Variants in DPYD observed in about 807,000 individuals in gnomAD.
DPYD encodes dihydropyrimidine dehydrogenase [NADP(+)].
In DPYD, 109 loss-of-function variants were observed where a neutral mutation model predicts 116.2. The ratio of observed to expected loss-of-function variants is 0.94; its 90% CI spans 0.80 to 1.10. The LOEUF (loss-of-function observed/expected upper bound fraction) is 1.10. Ranked by LOEUF, DPYD falls within the 50% of genes least tolerant of loss-of-function variation. The probability of loss-of-function intolerance (pLI) is 0.00; values close to 1 mark genes in which losing one functional copy is unlikely to be tolerated. For synonymous variants in DPYD, 440 were observed against 432.0 expected (o/e 1.02, Z -0.23); for missense variants, 1,302 against 1,254.5 (o/e 1.04, Z -0.57).
intron 2 of DPYD, among the ~76,000 whole-genome samples, chr1:97,857,320 C>T (rs958877559): frequency 2.0e-5 from 3 of 152,170 alleles, no homozygotes; most frequent in African/African-American, 4.8e-5. Flanking sequence ...TCCTTGGAAT[C>T]TCCAAAGTGC....
rs1269772647 is a variant in DPYD at position 97,781,184 on chromosome 1, T to C, written c.234-40705A>G. Among the ~76,000 whole-genome samples the C allele has an allele frequency of 2.6e-5, 4 of 152,214 alleles. No homozygotes were observed. In the South Asian group the frequency reaches 8.3e-4, roughly 31 times the overall value. On this transcript the variant is annotated intron_variant, in intron 3 of 22. Transcript: ENST00000370192. ...TATAGAGTTCTATTTCCATCCACTG[T>C]ATGTGATTACTATAAATGTTTAAAC...
intron 20 of DPYD, among the ~76,000 whole-genome samples, chr1:97,147,743 C>T (rs779016595): frequency 6.6e-6 from 1 of 152,156 alleles, no homozygotes. Flanking sequence ...CGTCCTTAGC[C>T]CATCAGTCCA....
intron 16 of DPYD, among the ~76,000 whole-genome samples, chr1:97,313,115 G>A (rs985298126): frequency 4.0e-5 from 6 of 151,846 alleles, no homozygotes; most frequent in Non-Finnish European, 8.8e-5. Context: ...TGTCACAAAA[G>A]ACAAGACATC....
intron 13 of DPYD, among the ~76,000 whole-genome samples, chr1:97,510,087 C>G (rs141281816): frequency 6.6e-6 from 1 of 151,348 alleles, no homozygotes; most frequent in Non-Finnish European, 1.5e-5. Context: ...CATCATTAGC[C>G]ATTTACAAAA....
chr1:97,080,013 A>G (rs190483751), intron 22 of DPYD, among the ~76,000 whole-genome samples: 1 of 152,200 alleles, frequency 6.6e-6, no homozygotes, highest in African/African-American at 2.4e-5. Flanking sequence ...TTAAAGAGAA[A>G]CATTTCAATG....
intron 12 of DPYD, among the ~76,000 whole-genome samples, chr1:97,548,853 C>T (rs1244626282): frequency 6.6e-6 from 1 of 152,094 alleles, no homozygotes; most frequent in African/African-American, 2.4e-5. Context: ...ACAGACAGGA[C>T]CTTATCTGGT....
At chr1:97,544,855 T>A (rs1570934701) in intron 12 of DPYD, among the ~76,000 whole-genome samples, 1 of 152,262 alleles carries the variant, frequency 6.6e-6, no homozygotes, top group South Asian at 2.1e-4. Flanking sequence ...TTTTACTTTT[T>A]CAAATCTTTT....
intron 21 of DPYD, among the ~76,000 whole-genome samples, chr1:97,086,053 G>T (rs561476062): frequency 6.6e-6 from 1 of 152,090 alleles, no homozygotes; most frequent in South Asian, 2.1e-4. Context: ...TCGTTGTTTT[G>T]TTTTGTTTTG....
chr1:97,682,473 C>A (rs995681368), intron 7 of DPYD, among the ~76,000 whole-genome samples: 6 of 151,762 alleles, frequency 4.0e-5, no homozygotes, highest in African/African-American at 1.2e-4. Context: ...GCCTGAGGCC[C>A]CAAATATTTG....
At chr1:97,758,622 G>C (rs1176962005) in intron 3 of DPYD, among the ~76,000 whole-genome samples, 1 of 152,146 alleles carries the variant, frequency 6.6e-6, no homozygotes, top group African/African-American at 2.4e-5. Context: ...TAAGTGATTA[G>C]GATATAGAAT....
At chr1:97,117,326 G>A (rs775242697) in intron 20 of DPYD, among the ~76,000 whole-genome samples, 3 of 152,182 alleles carry the variant, frequency 2.0e-5, no homozygotes, top group East Asian at 1.9e-4. Flanking sequence ...ATATGTGAAC[G>A]TATGGATGAA....
chr1:97,788,806 A>ATTGTTG (rs966070304), intron 3 of DPYD, among the ~76,000 whole-genome samples: 3 of 151,788 alleles, frequency 2.0e-5, no homozygotes, highest in African/African-American at 4.8e-5. Context: ...TATTTTTCTT[A>ATTGTTG]TTGTTGTTGT....
At chr1:97,570,878 C>T (rs1652843998) in intron 11 of DPYD, among the ~76,000 whole-genome samples, 3 of 151,830 alleles carry the variant, frequency 2.0e-5, no homozygotes, top group Admixed American at 1.3e-4. Flanking sequence ...TAATTTGGCA[C>T]CTGGCATTCA....
At position 97,787,942 on chromosome 1, in the gene DPYD, G is replaced by A. The variant is rs766114912; in HGVS notation, c.233+40172C>T. Among the ~76,000 whole-genome samples, 9 of 152,256 alleles carry A rather than the reference G, an allele frequency of 5.9e-5. No individual in the cohort carries two copies. The East Asian group carries it at 1.2e-3, about 20-fold the overall frequency. On this transcript the variant is annotated intron_variant, in intron 3 of 22. Coordinates refer to ENST00000370192, the MANE Select transcript of DPYD (RefSeq NM_000110.4). Reference sequence around the variant, plus strand: ...AAAGCTTCCTCTAGAAAAATCACACGGTAGTAGAGAGGTAGACAGGTTAAA... The same window carrying A: ...AAAGCTTCCTCTAGAAAAATCACACAGTAGTAGAGAGGTAGACAGGTTAAA...
chr1:97,832,045 TTGTGTGTGTG>T lies in DPYD; in HGVS notation c.151-3859_151-3850del, dbSNP rs35795641. On this transcript the variant is annotated intron_variant, in intron 2 of 22. Coordinates refer to ENST00000370192, the MANE Select transcript of DPYD (RefSeq NM_000110.4). ...CATTATAGCTTTAATATATAATGTATTGTGTGTGTGTGTGTGTGTGTGTGTGTGTGTGTGT... is the reference window on the plus strand; with the variant it reads ...CATTATAGCTTTAATATATAATGTATTGTGTGTGTGTGTGTGTGTGTGTGT... Among the ~76,000 whole-genome samples, 163 of 134,012 alleles carry T rather than the reference TTGTGTGTGTG, an allele frequency of 1.2e-3. 1 individual carries two copies. In the East Asian group the frequency reaches 0.019, roughly 16 times the overall value. The allele number at this position is 134,012 out of a possible 152,430, so 87.9% of individuals were successfully genotyped here.
intron 14 of DPYD, among the ~76,000 whole-genome samples, chr1:97,404,986 A>T (rs1673576535): frequency 1.4e-5 from 2 of 148,128 alleles, no homozygotes; most frequent in African/African-American, 2.5e-5. Flanking sequence ...TGGTTGCCCT[A>T]GAGTTTACAA....
intron 18 of DPYD, among the ~76,000 whole-genome samples, chr1:97,296,613 T>G (rs1029088782): frequency 6.6e-6 from 1 of 152,142 alleles, no homozygotes; most frequent in Non-Finnish European, 1.5e-5. Context: ...AAGTATAAAT[T>G]ATAAATTCTA....
intron 16 of DPYD, among the ~76,000 whole-genome samples, chr1:97,316,387 A>G (rs1667843907): frequency 6.6e-6 from 1 of 151,124 alleles, no homozygotes. Flanking sequence ...GGTAACACAT[A>G]CCTGTAATCC....
intron 14 of DPYD, among the ~76,000 whole-genome samples, chr1:97,442,764 G>C (rs1675870414): frequency 6.6e-6 from 1 of 152,044 alleles, no homozygotes; most frequent in African/African-American, 2.4e-5. Context: ...AACTATTTCT[G>C]AAATGAAGTA....
Sources: allele counts gnomAD v4.1 joint callset (sites outside exome capture counted in the v4.1 genomes callset), GRCh38; gene constraint gnomAD v4.1.1; transcripts MANE v1.5; gene names NCBI Gene and HGNC (gene_info 2026-07-23, HGNC 2026-07-21).